CYP3A7: variants seen among roughly 807,000 people sequenced by gnomAD.
CYP3A7 encodes cytochrome P450 3A7.
Under a neutral mutation model 55.2 loss-of-function variants are expected in CYP3A7, and 45 were observed. The ratio of observed to expected loss-of-function variants is 0.82; its 90% confidence interval spans 0.64 to 1.05. The LOEUF (loss-of-function observed/expected upper bound fraction) is 1.05. Among genes scored for constraint, CYP3A7 ranks in the 50% least tolerant of loss-of-function variants. The pLI, the probability that CYP3A7 is intolerant of heterozygous loss-of-function variation, is 0.00. For missense variants in CYP3A7, 548 were observed against 605.3 expected, an observed-to-expected ratio of 0.91 and a Z score of 0.99; for synonymous variants, 180 against 207.4, an observed-to-expected ratio of 0.87 and a Z score of 1.13.
At chr7:99,717,123 G>C (rs997630681) in intron 6 of CYP3A7, 54 bp downstream of exon 6, 4 of 1,609,396 alleles carry the variant, frequency 2.5e-6, no homozygotes, top group Non-Finnish European at 3.4e-6. Flanking sequence ...TCCATAGCAG[G>C]CAGCTGGAGG....
At chr7:99,730,622 A>G (rs981802511) in intron 2 of CYP3A7, 16 of 183,444 alleles carry the variant, frequency 8.7e-5, no homozygotes, top group South Asian at 2.5e-4. Context: ...GGAGGAAGGG[A>G]AAAAAGCCTA....
At chr7:99,724,215 C>T (rs1814320929) in intron 2 of CYP3A7, among the ~76,000 whole-genome samples, 1 of 152,206 alleles carries the variant, frequency 6.6e-6, no homozygotes. Flanking sequence ...ACCTAAAACC[C>T]CCTTTGACTA....
chr7:99,708,300 G>A (rs1813597232), intron 11 of CYP3A7, among the ~76,000 whole-genome samples: 1 of 152,176 alleles, frequency 6.6e-6, no homozygotes, highest in African/African-American at 2.4e-5. Flanking sequence ...TGATGAGAAT[G>A]ACTGACAGAA....
intron 2 of CYP3A7, chr7:99,730,845 A>G (rs1012295881): frequency 2.7e-5 from 15 of 558,340 alleles, no homozygotes; most frequent in Non-Finnish European, 4.4e-5. Flanking sequence ...TCTACTTGAC[A>G]TTTGGGCTGT....
chr7:99,730,975 C>T, intron 2 of CYP3A7, 84 bp downstream of exon 2: 1 of 1,551,190 alleles, frequency 6.4e-7, no homozygotes, highest in Non-Finnish European at 8.9e-7. Flanking sequence ...AGACCTTCCT[C>T]TTGAGGAGAA....
Position 99,714,564 on chromosome 7 carries a change from CT to C in CYP3A7, c.788del (p.Glu263GlyfsTer12). ...VKQIKEGRLK[E>X]TQKHRVDFLQ... ...TACCACCACGTTTTACCTTTTGTGTCTCTTTGAGGCGACCTTCTTTTATCTG... is the reference window on the plus strand; with the variant it reads ...TACCACCACGTTTTACCTTTTGTGTCCTTTGAGGCGACCTTCTTTTATCTG... On this transcript the variant is annotated frameshift_variant, in exon 8 of 13. Coordinates refer to ENST00000336374, the MANE Select transcript of CYP3A7 (RefSeq NM_000765.5). LOFTEE classifies it high-confidence loss of function. The C allele has an allele frequency of 1.2e-6, 2 of 1,612,816 alleles. No homozygotes were observed. The highest frequency in any genetic ancestry group is 1.7e-6 in the Non-Finnish European group (2 of 1,179,484).
At position 99,715,553 on chromosome 7, in the gene CYP3A7, G is replaced by T. The variant is rs1231935026; in HGVS notation, c.670+205C>A. On this transcript the variant is annotated intron_variant, in intron 7 of 12. Transcript: ENST00000336374. ...TACGACAACAGGATTTCTGGCAGGG[G>T]GTTGATAGCTAAACATGTATGAGGT... 9.5e-6 allele frequency: 8 copies of T among 844,462 alleles called. No homozygotes were observed. The Admixed American group carries it at 2.1e-4, about 23-fold the overall frequency. The allele number at this position is 844,462 out of a possible 1,614,324, so 52.3% of individuals were successfully genotyped here.
chr7:99,731,280 A>G, intron 1 of CYP3A7, 128 bp from the exon 2 acceptor site: 1 of 1,037,626 alleles, frequency 9.6e-7, no homozygotes. Flanking sequence ...AAAAAATAAC[A>G]GTAACTCTGA....
At chr7:99,706,796 G>A (rs1315064336) in intron 12 of CYP3A7, among the ~76,000 whole-genome samples, 1 of 152,152 alleles carries the variant, frequency 6.6e-6, no homozygotes, top group East Asian at 1.9e-4. Context: ...CAAACCAATC[G>A]ACTGCATATC....
chr7:99,729,230 A>C (rs1298224933), intron 2 of CYP3A7, among the ~76,000 whole-genome samples: 1 of 152,228 alleles, frequency 6.6e-6, no homozygotes, highest in African/African-American at 2.4e-5. Context: ...ATAAAAACAC[A>C]TTCAGACTAT....
chr7:99,715,531 G>A (rs1007796677), intron 7 of CYP3A7: 22 of 668,700 alleles, frequency 3.3e-5, no homozygotes, highest in Middle Eastern at 4.4e-4. Flanking sequence ...GGTTATATAC[G>A]ACAACAGGAT....
At chr7:99,715,473 T>C (rs1393026798) in intron 7 of CYP3A7, 1 of 416,988 alleles carries the variant, frequency 2.4e-6, no homozygotes, top group Non-Finnish European at 4.4e-6. Flanking sequence ...ATCATTTCTA[T>C]GAAGTGTCCA....
In CYP3A7 at chr7:99,720,022, A is replaced by AC. The variant is rs374314291; in HGVS notation, c.318+290_318+291insG. Among the ~76,000 whole-genome samples the AC allele has an allele frequency of 6.8e-4, 100 of 146,844 alleles. No individual in the cohort carries two copies. The South Asian group carries it at 0.013, about 19-fold the overall frequency. On this transcript the variant is annotated intron_variant, in intron 4 of 12. Coordinates refer to ENST00000336374, the MANE Select transcript of CYP3A7 (RefSeq NM_000765.5). ...AAAAACAAACAACAAACAACAAACA[A>AC]AAACAAAAACAAAAAACTACCCACA...
chr7:99,708,585 T>G (rs1563018358), intron 11 of CYP3A7, among the ~76,000 whole-genome samples: 1 of 152,132 alleles, frequency 6.6e-6, no homozygotes, highest in Admixed American at 6.5e-5. Flanking sequence ...GCTACTGTAT[T>G]GATGGAAAGC....
At chr7:99,718,377 G>T (rs1459262497) in intron 4 of CYP3A7, among the ~76,000 whole-genome samples, 1 of 152,080 alleles carries the variant, frequency 6.6e-6, no homozygotes, top group Non-Finnish European at 1.5e-5. Context: ...TAGAAAAAAA[G>T]AAGAAAGAGA....
chr7:99,720,660 T>C (rs891569920), intron 3 of CYP3A7: 10 of 434,540 alleles, frequency 2.3e-5, no homozygotes, highest in African/African-American at 1.2e-4. Flanking sequence ...ACAAAAGAGC[T>C]CTTCAAAGAG....
intron 9 of CYP3A7, 144 bp downstream of exon 9, chr7:99,713,325 G>C: frequency 1.5e-6 from 2 of 1,297,976 alleles, no homozygotes; most frequent in Non-Finnish European, 2.2e-6. Flanking sequence ...GTTGCCTCCA[G>C]CTACCATTTT....
Position 99,710,488 on chromosome 7 carries a change from A to G in CYP3A7, c.1026+244T>C, listed in dbSNP as rs573041296. 2.6e-5 allele frequency among the ~76,000 whole-genome samples: 4 copies of G among 152,310 alleles called. No individual in the cohort carries two copies. In the South Asian group the frequency reaches 6.2e-4, roughly 24 times the overall value. On this transcript the variant is annotated intron_variant, in intron 10 of 12. Coordinates refer to ENST00000336374, the MANE Select transcript of CYP3A7 (RefSeq NM_000765.5). Reference sequence around the variant, plus strand: ...GAGGTTTTTGGATGTTTTTTTACTTAGCATTATTGTGGTAACAGAAAGCAG... The same window carrying G: ...GAGGTTTTTGGATGTTTTTTTACTTGGCATTATTGTGGTAACAGAAAGCAG...
At chr7:99,720,476 C>G in intron 3 of CYP3A7, 64 bp from the exon 4 acceptor site, 1 of 1,580,146 alleles carries the variant, frequency 6.3e-7, no homozygotes, top group South Asian at 1.1e-5. Context: ...GAGCCAAACC[C>G]AGGAAGCCAG....
Sources: gnomAD v4.1 joint callset for allele counts (sites outside exome capture counted in the v4.1 genomes callset) on GRCh38, gnomAD v4.1.1 for gene constraint, MANE v1.5 for transcripts, NCBI Gene and HGNC (gene_info 2026-07-23, HGNC 2026-07-21) for gene names.